Variants in PHACTR1 observed in about 807,000 individuals in gnomAD.
The protein encoded by PHACTR1 is RPEL repeat containing 1.
In PHACTR1, 16 loss-of-function variants were observed where a neutral mutation model predicts 69.2. The ratio of observed to expected loss-of-function variants is 0.23; its 90% CI spans 0.16 to 0.35. The LOEUF is 0.35. Ranked by LOEUF, PHACTR1 falls within the 10% of genes least tolerant of loss-of-function variation. The probability of loss-of-function intolerance (pLI) is 1.00; values close to 1 mark genes in which losing one functional copy is unlikely to be tolerated. For missense variants in PHACTR1, 510 were observed against 734.7 expected (o/e 0.69, Z 3.54); for synonymous variants, 312 against 284.5 (o/e 1.10, Z -0.97).
intron 4 of PHACTR1, among the ~76,000 whole-genome samples, chr6:12,825,592 T>C (rs1776711026): frequency 6.6e-6 from 1 of 152,220 alleles, no homozygotes; most frequent in South Asian, 2.1e-4. Context: ...TTCTGGTTTT[T>C]ATGTTTGGAT....
At chr6:13,097,471 G>A (rs1033271410) in intron 5 of PHACTR1, among the ~76,000 whole-genome samples, 1 of 152,128 alleles carries the variant, frequency 6.6e-6, no homozygotes, top group African/African-American at 2.4e-5. Flanking sequence ...ATTTGTAGTA[G>A]TATTCTGACA....
At chr6:12,795,287 A>C in intron 4 of PHACTR1, among the ~76,000 whole-genome samples, 1 of 152,292 alleles carries the variant, frequency 6.6e-6, no homozygotes, top group East Asian at 1.9e-4. Flanking sequence ...TGCAGTCTAG[A>C]GGTAAACTAC....
chr6:12,903,788 G>A (rs971322325), intron 4 of PHACTR1, among the ~76,000 whole-genome samples: 3 of 152,148 alleles, frequency 2.0e-5, no homozygotes, highest in Non-Finnish European at 4.4e-5. Context: ...TATGTATAAA[G>A]TCTGTGGTAA....
At chr6:13,241,041 A>G (rs1166850104) in intron 10 of PHACTR1, among the ~76,000 whole-genome samples, 1 of 152,164 alleles carries the variant, frequency 6.6e-6, no homozygotes, top group Non-Finnish European at 1.5e-5. Context: ...CCACTGGAAA[A>G]AATGTGTAGT....
intron 4 of PHACTR1, among the ~76,000 whole-genome samples, chr6:12,872,320 G>A (rs141735271): frequency 7.8e-4 from 118 of 152,092 alleles, no homozygotes; most frequent in Middle Eastern, 3.4e-3. Flanking sequence ...AAATAAACTT[G>A]GAAAATGTTA....
intron 5 of PHACTR1, among the ~76,000 whole-genome samples, chr6:13,154,730 C>T (rs923152328): frequency 6.6e-6 from 1 of 151,870 alleles, no homozygotes; most frequent in African/African-American, 2.4e-5. Context: ...GCTGATTTAT[C>T]TTATCCCTGC....
intron 4 of PHACTR1, among the ~76,000 whole-genome samples, chr6:12,918,628 G>A (rs1320244154): frequency 1.3e-5 from 2 of 152,140 alleles, no homozygotes; most frequent in African/African-American, 4.8e-5. Context: ...ATGTCATTCT[G>A]AGCATAAAAC....
chr6:13,283,796 G>A lies in PHACTR1; in HGVS notation c.1650+234G>A. On this transcript the variant is annotated intron_variant, in intron 13 of 14. Transcript: ENST00000332995. This position sits in a 1 kb window ranked among gnomAD's most constrained non-coding sequence, Gnocchi z 4.7. The stretch of plus-strand genomic sequence containing the variant: ...TACTGTGCCCATTTTACAGGAGGAG[G>A]AGCAGCAGCCTGGGAGGCTGTGCCC... 1.3e-5 allele frequency: 7 copies of A among 557,960 alleles called. No homozygotes were observed. Among genetic ancestry groups the A allele is most frequent in the Non-Finnish European group, 2.2e-5 (7 of 318,510 alleles). The allele number at this position is 557,960 out of a possible 1,614,324, so 34.6% of individuals were successfully genotyped here.
At chr6:12,815,653 C>A (rs1403135022) in intron 4 of PHACTR1, among the ~76,000 whole-genome samples, 1 of 152,174 alleles carries the variant, frequency 6.6e-6, no homozygotes, top group East Asian at 1.9e-4. Flanking sequence ...CAGCTCACAT[C>A]CAAAACGGGG....
intron 12 of PHACTR1, chr6:13,281,112 C>T: frequency 7.8e-7 from 1 of 1,289,468 alleles, no homozygotes. Context: ...AGAAACAGCC[C>T]CTGACCTGCA....
chr6:13,212,504 G>T (rs945999898), intron 8 of PHACTR1, among the ~76,000 whole-genome samples: 3 of 152,130 alleles, frequency 2.0e-5, no homozygotes, highest in Non-Finnish European at 2.9e-5. Context: ...CTTGCATCAG[G>T]TTATGTGTTT....
chr6:12,747,299 C>T (rs749475166), intron 3 of PHACTR1, among the ~76,000 whole-genome samples: 1 of 151,966 alleles, frequency 6.6e-6, no homozygotes, highest in African/African-American at 2.4e-5. Context: ...TACTCACAAC[C>T]CTCCTTCACT....
chr6:13,120,651 T>C (rs1164446065), intron 5 of PHACTR1, among the ~76,000 whole-genome samples: 2 of 152,140 alleles, frequency 1.3e-5, no homozygotes, highest in Non-Finnish European at 2.9e-5. Context: ...GCTCATCTCT[T>C]TTATGTAATC....
At chr6:12,994,826 A>G (rs1411603605) in intron 4 of PHACTR1, among the ~76,000 whole-genome samples, 2 of 152,176 alleles carry the variant, frequency 1.3e-5, no homozygotes, top group Non-Finnish European at 2.9e-5. Flanking sequence ...GGAAGTGAGG[A>G]ACAGGAGACT....
At chr6:12,813,039 T>A (rs2127698365) in intron 4 of PHACTR1, among the ~76,000 whole-genome samples, 1 of 152,320 alleles carries the variant, frequency 6.6e-6, no homozygotes, top group Non-Finnish European at 1.5e-5. Context: ...TAATTGGTTG[T>A]GAAGCTTTGT....
At chr6:12,911,787 A>G (rs1786430347) in intron 4 of PHACTR1, among the ~76,000 whole-genome samples, 1 of 152,198 alleles carries the variant, frequency 6.6e-6, no homozygotes, top group Admixed American at 6.5e-5. Flanking sequence ...TACCCTTTCC[A>G]AAGAGCTTTA....
intron 4 of PHACTR1, among the ~76,000 whole-genome samples, chr6:12,805,073 G>A (rs1162903050): frequency 6.6e-6 from 1 of 152,162 alleles, no homozygotes; most frequent in African/African-American, 2.4e-5. Context: ...TATGTGGGTT[G>A]CTGGGATTTG....
intron 7 of PHACTR1, chr6:13,184,939 C>A: frequency 7.3e-7 from 1 of 1,366,606 alleles, no homozygotes; most frequent in Non-Finnish European, 9.8e-7. Flanking sequence ...GAAGCAGCTG[C>A]CCCTTCTCAA....
At chr6:12,858,754 C>T (rs1780652102) in intron 4 of PHACTR1, among the ~76,000 whole-genome samples, 1 of 151,850 alleles carries the variant, frequency 6.6e-6, no homozygotes, top group African/African-American at 2.4e-5. Flanking sequence ...TATGATCATG[C>T]CACTGTACTC....
Sources: gnomAD v4.1 joint callset for allele counts (sites outside exome capture counted in the v4.1 genomes callset) on GRCh38, gnomAD v4.1.1 for gene constraint, Gnocchi (gnomAD v3.1) non-coding constraint, MANE v1.5 for transcripts, NCBI Gene and HGNC (gene_info 2026-07-23, HGNC 2026-07-21) for gene names.